Variants in DGKI observed in about 807,000 individuals in gnomAD.
The protein encoded by DGKI is DAG kinase iota.
A neutral mutation model predicts 147.5 loss-of-function variants in DGKI; 55 were observed. The observed-to-expected ratio is 0.37, with a 90% confidence interval of 0.30 to 0.47. DGKI has a LOEUF of 0.47. Ranked by LOEUF, DGKI falls within the 20% of genes least tolerant of loss-of-function variation. DGKI has a pLI of 1.00. For synonymous variants in DGKI, 469 were observed against 477.1 expected (o/e 0.98, Z 0.22); for missense variants, 1,007 against 1,323.8 (o/e 0.76, Z 3.71).
intron 1 of DGKI, among the ~76,000 whole-genome samples, chr7:137,807,009 G>C (rs1797394336): frequency 6.6e-6 from 1 of 152,214 alleles, no homozygotes; most frequent in African/African-American, 2.4e-5. Flanking sequence ...AGCTGATGCA[G>C]TATGAGGCAC....
At chr7:137,405,410 A>G (rs1179071963) in intron 30 of DGKI, among the ~76,000 whole-genome samples, 1 of 152,066 alleles carries the variant, frequency 6.6e-6, no homozygotes, top group Non-Finnish European at 1.5e-5. Context: ...GCCATCTTGT[A>G]TTTTTATTTG....
chr7:137,552,192 T>C (rs1305628036), intron 20 of DGKI, among the ~76,000 whole-genome samples, 177 bp downstream of exon 20: 2 of 152,118 alleles, frequency 1.3e-5, no homozygotes, highest in Non-Finnish European at 2.9e-5. Context: ...TGGAACTGTA[T>C]AATAAACAAG....
At chr7:137,539,419 GGGT>G (rs1817618096) in intron 20 of DGKI, among the ~76,000 whole-genome samples, 1 of 152,060 alleles carries the variant, frequency 6.6e-6, no homozygotes, top group South Asian at 2.1e-4. Context: ...ATGAACTCTT[GGGT>G]GTTTATCTCT....
intron 23 of DGKI, among the ~76,000 whole-genome samples, chr7:137,474,848 G>C (rs1815113310): frequency 6.6e-6 from 1 of 152,126 alleles, no homozygotes; most frequent in Non-Finnish European, 1.5e-5. Flanking sequence ...CGACAATCCT[G>C]GCGCCCTACC....
chr7:137,420,443 C>T (rs552220647), intron 28 of DGKI, among the ~76,000 whole-genome samples: 7 of 152,138 alleles, frequency 4.6e-5, no homozygotes, highest in Admixed American at 2.6e-4. Context: ...TGCTTTGAGT[C>T]GGAGGGCTGG....
chr7:137,586,521 T>G (rs551395256), intron 13 of DGKI, among the ~76,000 whole-genome samples: 2 of 152,128 alleles, frequency 1.3e-5, no homozygotes, highest in Non-Finnish European at 2.9e-5. Context: ...TCTTACTATC[T>G]TAGTACTATA....
At chr7:137,430,578 T>A (rs113700601) in intron 28 of DGKI, among the ~76,000 whole-genome samples, 2 of 151,496 alleles carry the variant, frequency 1.3e-5, no homozygotes, top group South Asian at 2.1e-4. Context: ...AAAATAATTT[T>A]AAAAAAAGAA....
Position 137,412,848 on chromosome 7 carries a change from T to C in DGKI, c.2762-641A>G, listed in dbSNP as rs192428838. 2.7e-3 allele frequency among the ~76,000 whole-genome samples: 404 copies of C among 152,324 alleles called. 2 individuals are homozygous for C. The highest frequency in any genetic ancestry group is 4.8e-3 in the Admixed American group (73 of 15,308). On this transcript the variant is annotated intron_variant, in intron 28 of 32. Coordinates refer to ENST00000614521, the MANE Select transcript of DGKI (RefSeq NM_001321708.2). The stretch of plus-strand genomic sequence containing the variant: ...AACCACGTGTTTGGCATTTAATTTA[T>C]TGATGATTCTTATGGAAAAAAAAGC...
chr7:137,495,485 C>T (rs191905463), intron 21 of DGKI, among the ~76,000 whole-genome samples: 39 of 119,322 alleles, frequency 3.3e-4, no homozygotes, highest in Non-Finnish European at 5.9e-4. Context: ...CATCCTGATA[C>T]CAAAACCTGG....
In DGKI at chr7:137,594,534, A is replaced by T. The variant is rs557994491; in HGVS notation, c.1311+3313T>A. ...CATCCCAGTCAGTGAAAAATATTCAATTTCTGATTTCTCCCTAAGCTTTGT... is the reference window on the plus strand; with the variant it reads ...CATCCCAGTCAGTGAAAAATATTCATTTTCTGATTTCTCCCTAAGCTTTGT... On this transcript the variant is annotated intron_variant, in intron 12 of 32. Coordinates refer to ENST00000614521, the MANE Select transcript of DGKI (RefSeq NM_001321708.2). Among the ~76,000 whole-genome samples the T allele has an allele frequency of 1.3e-5, 2 of 152,272 alleles. 1 individual carries two copies. Among genetic ancestry groups the T allele is most frequent in the South Asian group, 4.1e-4 (2 of 4,822 alleles).
chr7:137,387,016 T>C lies in DGKI; in HGVS notation c.*4204A>G, dbSNP rs1205048516. ...TTAAATAGCATAATTGAATAAAATATGCTGTTCTCAGTGATTTCATTAGCT... is the reference window on the plus strand; with the variant it reads ...TTAAATAGCATAATTGAATAAAATACGCTGTTCTCAGTGATTTCATTAGCT... On this transcript the variant is annotated 3_prime_UTR_variant, in exon 33 of 33. Transcript: ENST00000614521. 1.3e-5 allele frequency: 2 copies of C among 152,168 alleles called. No individual in the cohort carries two copies. The allele number at this position is 152,168 out of a possible 1,614,324, so 9.4% of individuals were successfully genotyped here.
intron 10 of DGKI, among the ~76,000 whole-genome samples, chr7:137,605,526 G>T (rs2128991573): frequency 6.6e-6 from 1 of 152,052 alleles, no homozygotes; most frequent in South Asian, 2.1e-4. Context: ...GACAATTACT[G>T]CTAAGTTTAA....
intron 3 of DGKI, among the ~76,000 whole-genome samples, chr7:137,674,236 G>T (rs1488956429): frequency 6.6e-6 from 1 of 152,196 alleles, no homozygotes; most frequent in African/African-American, 2.4e-5. Flanking sequence ...GTTGCCACCA[G>T]AGAGCTGTAG....
rs924950341 is a variant in DGKI at position 137,608,903 on chromosome 7, G to A, written c.1167+63C>T. ...TAGTGGTACTATTTTAATTGGCAGT[G>A]AGAGTTGTGTCGTCAAGAAATTATC... On this transcript the variant is annotated intron_variant, in intron 10 of 32. Transcript: ENST00000614521. 8.6e-6 allele frequency: 11 copies of A among 1,272,066 alleles called. No homozygotes were observed. In the Admixed American group the frequency reaches 1.7e-4, roughly 20 times the overall value. 78.8% of individuals were successfully genotyped at this position (1,272,066 alleles called of 1,614,324 possible).
At chr7:137,590,974 C>T (rs566009473) in intron 12 of DGKI, among the ~76,000 whole-genome samples, 1 of 152,296 alleles carries the variant, frequency 6.6e-6, no homozygotes, top group Admixed American at 6.5e-5. Flanking sequence ...CAGGCATGAG[C>T]CACTGCATCC....
intron 23 of DGKI, among the ~76,000 whole-genome samples, chr7:137,471,419 G>A (rs1814881921): frequency 6.6e-6 from 1 of 152,138 alleles, no homozygotes; most frequent in South Asian, 2.1e-4. Flanking sequence ...CCCAATCAGA[G>A]GTTGTACTGA....
At chr7:137,772,558 G>GAT (rs1353108264) in intron 1 of DGKI, among the ~76,000 whole-genome samples, 1 of 152,090 alleles carries the variant, frequency 6.6e-6, no homozygotes, top group Non-Finnish European at 1.5e-5. Flanking sequence ...TAAGCCCCCA[G>GAT]ATCTGTTCCC....
At chr7:137,490,621 C>A (rs1815729919) in intron 21 of DGKI, among the ~76,000 whole-genome samples, 1 of 152,162 alleles carries the variant, frequency 6.6e-6, no homozygotes, top group Admixed American at 6.5e-5. Flanking sequence ...TCCATTTGGG[C>A]CTTTACATGG....
chr7:137,791,215 A>G (rs1796844733), intron 1 of DGKI, among the ~76,000 whole-genome samples: 4 of 151,986 alleles, frequency 2.6e-5, no homozygotes, highest in African/African-American at 9.7e-5. Context: ...TTCTCCTCCT[A>G]TATCTCTTCT....
Sources: allele counts gnomAD v4.1 joint callset (sites outside exome capture counted in the v4.1 genomes callset), GRCh38; gene constraint gnomAD v4.1.1; transcripts MANE v1.5; gene names NCBI Gene and HGNC (gene_info 2026-07-23, HGNC 2026-07-21).